Variants in KLF8 observed in about 807,000 individuals in gnomAD.
The protein encoded by KLF8 is Krueppel-like factor 8.
A neutral mutation model predicts 18.2 loss-of-function variants in KLF8; 10 were observed. The ratio of observed to expected loss-of-function variants is 0.55; its 90% confidence interval spans 0.34 to 0.93. KLF8 has a LOEUF of 0.93. Among genes scored for constraint, KLF8 ranks in the 40% least tolerant of loss-of-function variants. KLF8 has a pLI of 0.02. For missense variants in KLF8, 264 were observed against 277.9 expected (o/e 0.95, Z 0.36); for synonymous variants, 109 against 97.3 (o/e 1.12, Z -0.71).
the KLF8 span, among the ~76,000 whole-genome samples, chrX:56,038,563 C>A: frequency 8.9e-6 from 1 of 112,768 alleles, no homozygotes; most frequent in Non-Finnish European, 1.9e-5. Context: ...CCTTTTATGG[C>A]TGCATAGCAT....
intron 1 of KLF8, among the ~76,000 whole-genome samples, chrX:56,236,787 G>A (rs914018773): frequency 5.5e-5 from 6 of 108,851 alleles, no homozygotes; most frequent in African/African-American, 1.7e-4. Flanking sequence ...GGCAACTAAT[G>A]TTATCTATTT....
At chrX:55,982,147 A>G in the KLF8 span, among the ~76,000 whole-genome samples, 1 of 111,572 alleles carries the variant, frequency 9.0e-6, no homozygotes, top group Non-Finnish European at 1.9e-5. Flanking sequence ...ACTCTCCAGG[A>G]ATAAAGAATG....
At chrX:55,982,446 G>A in the KLF8 span, among the ~76,000 whole-genome samples, 1 of 111,862 alleles carries the variant, frequency 8.9e-6, no homozygotes, top group African/African-American at 3.2e-5. Context: ...TCCTAGGTCA[G>A]GCTGTCATTA....
the KLF8 span, among the ~76,000 whole-genome samples, chrX:56,077,064 A>G: frequency 1.8e-5 from 2 of 111,383 alleles, no homozygotes; most frequent in South Asian, 3.8e-4. Flanking sequence ...TGAGTAGGTT[A>G]CAAAAATTTT....
chrX:56,067,143 A>T, the KLF8 span, among the ~76,000 whole-genome samples: 1 of 105,861 alleles, frequency 9.4e-6, no homozygotes, highest in African/African-American at 3.4e-5. Context: ...CTACTCACTA[A>T]TTTGGTTTTG....
the KLF8 span, among the ~76,000 whole-genome samples, chrX:56,148,648 C>T: frequency 8.9e-6 from 1 of 111,955 alleles, no homozygotes; most frequent in Non-Finnish European, 1.9e-5. Flanking sequence ...TTCCACATGG[C>T]TGGGGAGGCC....
the KLF8 span, among the ~76,000 whole-genome samples, chrX:55,959,944 T>A: frequency 7.3e-5 from 8 of 109,559 alleles, no homozygotes; most frequent in African/African-American, 2.0e-4. Flanking sequence ...CACATAGTCA[T>A]CAGATGCTCC....
At chrX:56,056,339 A>C in the KLF8 span, among the ~76,000 whole-genome samples, 1 of 110,243 alleles carries the variant, frequency 9.1e-6, no homozygotes, top group East Asian at 2.9e-4. Flanking sequence ...TTAGGGGAAC[A>C]ACACTCTACT....
At chrX:55,946,173 G>A in the KLF8 span, among the ~76,000 whole-genome samples, 12 of 111,278 alleles carry the variant, frequency 1.1e-4, no homozygotes, top group South Asian at 3.8e-4. Flanking sequence ...AGCCCACATC[G>A]CCAAGTCAAT....
At chrX:56,172,025 C>G in the KLF8 span, among the ~76,000 whole-genome samples, 3 of 111,640 alleles carry the variant, frequency 2.7e-5, no homozygotes, top group Non-Finnish European at 5.6e-5. Context: ...CACATCCTCT[C>G]TAGCACCTGT....
At chrX:56,105,634 G>A in the KLF8 span, among the ~76,000 whole-genome samples, 6 of 108,318 alleles carry the variant, frequency 5.5e-5, no homozygotes, top group African/African-American at 2.0e-4. Context: ...CCTGAATACA[G>A]CACACTGATG....
chrX:55,949,529 C>T, the KLF8 span, among the ~76,000 whole-genome samples: 2 of 110,940 alleles, frequency 1.8e-5, no homozygotes, highest in African/African-American at 6.5e-5. Flanking sequence ...CATGGTGGCT[C>T]ACGCCTGTAA....
At chrX:56,191,674 G>A in the KLF8 span, among the ~76,000 whole-genome samples, 2 of 111,505 alleles carry the variant, frequency 1.8e-5, no homozygotes, top group African/African-American at 3.2e-5. Flanking sequence ...TTGATGCATC[G>A]TATCAACAAA....
chrX:56,128,189 TTAGGA>T, the KLF8 span, among the ~76,000 whole-genome samples: 1 of 111,954 alleles, frequency 8.9e-6, no homozygotes, highest in Non-Finnish European at 1.9e-5. Flanking sequence ...GGAGAGAAAC[TTAGGA>T]TAGAGTGAAT....
chrX:56,028,913 A>C, the KLF8 span, among the ~76,000 whole-genome samples: 1 of 111,298 alleles, frequency 9.0e-6, no homozygotes, highest in Non-Finnish European at 1.9e-5. Context: ...ACCAAGCATA[A>C]GTCCTGTACG....
chrX:56,262,401 C>T (rs898651843), intron 2 of KLF8, among the ~76,000 whole-genome samples: 5 of 111,527 alleles, frequency 4.5e-5, no homozygotes, highest in Non-Finnish European at 1.9e-5. Flanking sequence ...AAACACAAGG[C>T]CTTGAGCTAG....
chrX:56,150,625 G>T, the KLF8 span, among the ~76,000 whole-genome samples: 1 of 110,955 alleles, frequency 9.0e-6, no homozygotes, highest in Admixed American at 9.7e-5. Flanking sequence ...CTCTTGGCCT[G>T]TAGTTCCTCA....
the KLF8 span, among the ~76,000 whole-genome samples, chrX:55,988,169 G>A: frequency 6.3e-5 from 7 of 111,610 alleles, no homozygotes; most frequent in South Asian, 3.7e-4. Context: ...TACTCTGATG[G>A]TAGTTTCTTT....
the KLF8 span, among the ~76,000 whole-genome samples, chrX:55,995,086 C>A: frequency 8.9e-6 from 1 of 111,873 alleles, no homozygotes; most frequent in Non-Finnish European, 1.9e-5. Context: ...CTGAGTGCTC[C>A]AATGTTGGGA....
Sources: allele counts gnomAD v4.1 joint callset (sites outside exome capture counted in the v4.1 genomes callset), GRCh38; gene constraint gnomAD v4.1.1; transcripts MANE v1.5; gene names NCBI Gene and HGNC (gene_info 2026-07-23, HGNC 2026-07-21).